Variants in CFAP61 observed in about 807,000 individuals in gnomAD.
CFAP61 encodes cilia- and flagella-associated protein 61.
A neutral mutation model predicts 135.6 loss-of-function variants in CFAP61; 107 were observed. The ratio of observed to expected loss-of-function variants is 0.79; its 90% CI spans 0.67 to 0.93. CFAP61 has a LOEUF of 0.93. Ranked by LOEUF, CFAP61 falls within the 40% of genes least tolerant of loss-of-function variation. CFAP61 has a pLI of 0.00. For synonymous variants in CFAP61, 575 were observed against 578.5 expected (o/e 0.99, Z 0.09); for missense variants, 1,507 against 1,556.2 (o/e 0.97, Z 0.53).
chr20:20,062,944 C>A (rs2044920775), intron 2 of CFAP61, among the ~76,000 whole-genome samples: 1 of 152,192 alleles, frequency 6.6e-6, no homozygotes, highest in Middle Eastern at 3.4e-3. Flanking sequence ...TTTGCTGCTT[C>A]CAGTTTTTAG....
intron 10 of CFAP61, among the ~76,000 whole-genome samples, chr20:20,160,745 G>A (rs2207096): frequency 0.9 from 137,304 of 152,260 alleles, 62,725 homozygotes; most frequent in Middle Eastern, 0.99. Context: ...CCTCTAGCAC[G>A]TATTCTTCCT....
chr20:20,115,173 T>G (rs1405836458), intron 8 of CFAP61, among the ~76,000 whole-genome samples: 1 of 152,128 alleles, frequency 6.6e-6, no homozygotes, highest in Non-Finnish European at 1.5e-5. Flanking sequence ...CCTGCAACTT[T>G]CACTTCTTGA....
chr20:20,130,181 C>T (rs987333671), intron 8 of CFAP61, among the ~76,000 whole-genome samples: 2 of 151,420 alleles, frequency 1.3e-5, no homozygotes, highest in Non-Finnish European at 2.9e-5. Context: ...CCCAGCTACT[C>T]AGGAGGCTGA....
intron 9 of CFAP61, among the ~76,000 whole-genome samples, chr20:20,147,834 TC>T (rs1180791094): frequency 2.0e-5 from 3 of 152,228 alleles, no homozygotes; most frequent in Non-Finnish European, 4.4e-5. Context: ...TAAGCAAATG[TC>T]CAGAAGAGAT....
chr20:20,233,192 G>A (rs2049291358), intron 18 of CFAP61, among the ~76,000 whole-genome samples: 1 of 152,196 alleles, frequency 6.6e-6, no homozygotes, highest in Non-Finnish European at 1.5e-5. Flanking sequence ...TAGCGCTGGC[G>A]GCTTAATTAG....
chr20:20,197,468 G>A (rs1044543685), intron 16 of CFAP61, among the ~76,000 whole-genome samples: 3 of 151,922 alleles, frequency 2.0e-5, no homozygotes, highest in Non-Finnish European at 2.9e-5. Context: ...TACCATGAAC[G>A]CAGCCATGCT....
In CFAP61 at chr20:20,360,405, G is replaced by A. The variant is rs34849779; in HGVS notation, c.3709G>A (p.Val1237Ile). 3.9e-5 allele frequency: 63 copies of A among 1,613,634 alleles called. No homozygotes were observed. The African/African-American group carries it at 5.7e-4, about 15-fold the overall frequency. Residue 1237 changes from valine to isoleucine, a missense_variant, in exon 27 of 27, where the codon GTT (valine) becomes ATT (isoleucine). Val to Ile is a conservative substitution (Grantham distance 29, BLOSUM62 3). Transcript: ENST00000245957. ...HLPMYAWPGI[V>I] Reference sequence around the variant, plus strand: ...GCCCATGTACGCGTGGCCAGGCATCGTTTAGTTGTAGGCAGGGTCTCCCCT... The same window carrying A: ...GCCCATGTACGCGTGGCCAGGCATCATTTAGTTGTAGGCAGGGTCTCCCCT...
At chr20:20,234,266 G>A (rs997380139) in intron 18 of CFAP61, among the ~76,000 whole-genome samples, 1 of 152,218 alleles carries the variant, frequency 6.6e-6, no homozygotes, top group Non-Finnish European at 1.5e-5. Context: ...TGGGCAGAGA[G>A]AGGCAGACAG....
intron 8 of CFAP61, among the ~76,000 whole-genome samples, chr20:20,100,635 T>C (rs897302084): frequency 1.3e-5 from 2 of 152,210 alleles, no homozygotes; most frequent in Non-Finnish European, 2.9e-5. Flanking sequence ...AAATATTTTT[T>C]CCCCTGTGGC....
At chr20:20,128,709 C>T (rs972313384) in intron 8 of CFAP61, among the ~76,000 whole-genome samples, 3 of 151,704 alleles carry the variant, frequency 2.0e-5, no homozygotes, top group Admixed American at 6.6e-5. Flanking sequence ...GCCTCCCGTC[C>T]GCCATGATGA....
intron 1 of CFAP61, among the ~76,000 whole-genome samples, chr20:20,053,683 C>T (rs2043965056): frequency 6.6e-6 from 1 of 152,158 alleles, no homozygotes; most frequent in Admixed American, 6.5e-5. Flanking sequence ...TAACCAACAT[C>T]AATGTATTTG....
At chr20:20,063,920 C>A (rs1412527970) in intron 2 of CFAP61, among the ~76,000 whole-genome samples, 1 of 152,002 alleles carries the variant, frequency 6.6e-6, no homozygotes, top group Non-Finnish European at 1.5e-5. Flanking sequence ...CTATTTACAC[C>A]CATGCCAAAG....
chr20:20,296,900 A>G (rs2055674237), intron 24 of CFAP61, among the ~76,000 whole-genome samples: 2 of 152,040 alleles, frequency 1.3e-5, no homozygotes, highest in African/African-American at 4.8e-5. Context: ...ATAACATCTT[A>G]ATAAGTTTGG....
At chr20:20,170,527 A>C (rs778322508) in intron 13 of CFAP61, among the ~76,000 whole-genome samples, 5 of 152,218 alleles carry the variant, frequency 3.3e-5, no homozygotes, top group Admixed American at 6.5e-5. Context: ...TCTTATTTTT[A>C]CAAAATGTTC....
At chr20:20,251,297 G>C (rs1305715918) in intron 19 of CFAP61, among the ~76,000 whole-genome samples, 2 of 151,630 alleles carry the variant, frequency 1.3e-5, no homozygotes, top group Non-Finnish European at 2.9e-5. Flanking sequence ...GAAAGGTATA[G>C]TATGAGTGAT....
At chr20:20,148,829 T>A (rs1056479002) in intron 9 of CFAP61, among the ~76,000 whole-genome samples, 1 of 152,234 alleles carries the variant, frequency 6.6e-6, no homozygotes, top group Non-Finnish European at 1.5e-5. Flanking sequence ...TCCAGCACTA[T>A]GTTGAATAGA....
chr20:20,180,789 A>G, intron 13 of CFAP61, among the ~76,000 whole-genome samples: 1 of 152,224 alleles, frequency 6.6e-6, no homozygotes, highest in Non-Finnish European at 1.5e-5. Flanking sequence ...GATAAAGAAA[A>G]TGTGGTACAG....
chr20:20,321,055 A>G (rs572796120), intron 25 of CFAP61, among the ~76,000 whole-genome samples: 1 of 152,206 alleles, frequency 6.6e-6, no homozygotes, highest in African/African-American at 2.4e-5. Context: ...AAGAAAAGTT[A>G]AAAGTTATAC....
chr20:20,302,702 A>G (rs939662197), intron 25 of CFAP61, among the ~76,000 whole-genome samples: 15 of 151,602 alleles, frequency 9.9e-5, no homozygotes, highest in Admixed American at 2.0e-4. Flanking sequence ...AGTGAGGGGT[A>G]GTGCCCTTGC....
Sources: allele counts gnomAD v4.1 joint callset (sites outside exome capture counted in the v4.1 genomes callset), GRCh38; gene constraint gnomAD v4.1.1; transcripts MANE v1.5; gene names NCBI Gene and HGNC (gene_info 2026-07-23, HGNC 2026-07-21).